The following C2orf80 variants were observed in gnomAD, a reference collection of about 807,000 sequenced individuals.
C2orf80 encodes uncharacterized protein C2orf80.
A neutral mutation model predicts 30.2 loss-of-function variants in C2orf80; 28 were observed. That is an observed-to-expected ratio of 0.93 (90% confidence interval 0.69 to 1.27). The LOEUF (loss-of-function observed/expected upper bound fraction) is 1.27, where lower values mean the gene tolerates loss of function less well. Among genes scored for constraint, C2orf80 ranks in the 50% most tolerant of loss-of-function variants. The pLI is 0.00. For missense variants in C2orf80, 220 were observed against 231.0 expected (o/e 0.95, Z 0.31); for synonymous variants, 80 against 76.4 (o/e 1.05, Z -0.24).
At chr2:208,168,668 A>T (rs938865780) in intron 8 of C2orf80, among the ~76,000 whole-genome samples, 1 of 150,494 alleles carries the variant, frequency 6.6e-6, no homozygotes, top group Non-Finnish European at 1.5e-5. Context: ...CTCAAAAAAA[A>T]AAAAAAAAAA....
chr2:208,178,752 A>G (rs1696451007), intron 6 of C2orf80, among the ~76,000 whole-genome samples: 1 of 151,798 alleles, frequency 6.6e-6, no homozygotes, highest in Non-Finnish European at 1.5e-5. Context: ...CCATCCCTAA[A>G]ATTTTTTTTT....
At chr2:208,176,922 TATAC>T (rs1696333080) in intron 6 of C2orf80, among the ~76,000 whole-genome samples, 1 of 100,842 alleles carries the variant, frequency 9.9e-6, no homozygotes, top group African/African-American at 3.7e-5. Flanking sequence ...TACATATCTG[TATAC>T]ATATGTATAC....
intron 6 of C2orf80, among the ~76,000 whole-genome samples, chr2:208,178,230 C>G (rs1402277077): frequency 2.6e-5 from 4 of 152,182 alleles, no homozygotes; most frequent in Non-Finnish European, 5.9e-5. Context: ...GTGCCATCCT[C>G]TCTAGGATGT....
rs572148824 is a variant in C2orf80 at position 208,181,220 on chromosome 2, T to C, written c.292A>G (p.Met98Val). Residue 98 changes from methionine to valine, a missense_variant and splice_region_variant, in exon 5 of 9, where the codon ATG (methionine) becomes GTG (valine). Coordinates refer to ENST00000341287, the MANE Select transcript of C2orf80 (RefSeq NM_001099334.3). ...GCAGATAGTATTCTTTTCCTTACCA[T>C]TAAGATTCCAGCATAAGATGATAAA... ...MILSSYAGILMNSIPIEEVFK... is the reference protein window; with the variant it reads ...MILSSYAGILVNSIPIEEVFK... 1.0e-5 allele frequency: 16 copies of C among 1,590,784 alleles called. No individual in the cohort carries two copies. The highest frequency in any genetic ancestry group is 2.2e-5 in the East Asian group (1 of 44,714).
At chr2:208,179,652 C>T (rs964303950) in intron 6 of C2orf80, among the ~76,000 whole-genome samples, 2 of 151,788 alleles carry the variant, frequency 1.3e-5, no homozygotes, top group Non-Finnish European at 2.9e-5. Flanking sequence ...AATGTTCATA[C>T]ATTTACAAGT....
chr2:208,170,965 C>T lies in C2orf80; in HGVS notation c.553G>A (p.Asp185Asn), dbSNP rs759606583. 13 of 1,613,824 alleles carry T rather than the reference C, an allele frequency of 8.1e-6. No homozygotes were observed. Among genetic ancestry groups the T allele is most frequent in the Non-Finnish European group, 1.1e-5 (13 of 1,179,846 alleles). Residue 185 changes from aspartate to asparagine, a missense_variant, in exon 8 of 9, where the codon GAC becomes AAC. Physicochemically the swap from Asp to Asn is conservative, Grantham distance 23. Coordinates refer to ENST00000341287, the MANE Select transcript of C2orf80 (RefSeq NM_001099334.3). ...TEWKSSQRFS[D>N]TQPKHKVT ...CCTACTTTGTGCTTTGGCTGTGTGT[C>T]TGAAAACCTTTGTGATGATTTCCAT...
intron 1 of C2orf80, among the ~76,000 whole-genome samples, chr2:208,187,924 T>G (rs1288893976): frequency 6.6e-6 from 1 of 152,162 alleles, no homozygotes; most frequent in Non-Finnish European, 1.5e-5. Flanking sequence ...AGAAGGAATC[T>G]GCCAGTAGGC....
chr2:208,176,963 A>ACGTATACATC (rs1559340585), intron 6 of C2orf80, among the ~76,000 whole-genome samples: 2 of 36,142 alleles, frequency 5.5e-5, no homozygotes, highest in Non-Finnish European at 1.2e-4. Context: ...CTGTATACAT[A>ACGTATACATC]TGTATACATA....
chr2:208,174,343 C>T (rs961954326), intron 6 of C2orf80, among the ~76,000 whole-genome samples: 4 of 152,242 alleles, frequency 2.6e-5, no homozygotes, highest in South Asian at 2.1e-4. Flanking sequence ...CTGCACAATT[C>T]GGTCTGAGTC....
chr2:208,187,212 T>G (rs899294830), intron 1 of C2orf80, among the ~76,000 whole-genome samples, 151 bp from the exon 2 acceptor site: 1 of 152,234 alleles, frequency 6.6e-6, no homozygotes, highest in African/African-American at 2.4e-5. Context: ...ACCTGGAGGC[T>G]CATGCACTGT....
At chr2:208,180,888 A>C (rs1351250635) in intron 5 of C2orf80, 72 bp from the exon 6 acceptor site, 4 of 1,293,608 alleles carry the variant, frequency 3.1e-6, no homozygotes. Flanking sequence ...AACAAAGCTA[A>C]TATAGCTCCA....
chr2:208,188,973 C>T (rs956537580), intron 1 of C2orf80, among the ~76,000 whole-genome samples: 2 of 152,112 alleles, frequency 1.3e-5, no homozygotes, highest in African/African-American at 4.8e-5. Context: ...CCCAGGAAAG[C>T]CACACTCATT....
chr2:208,174,446 A>G (rs999187827), intron 6 of C2orf80, among the ~76,000 whole-genome samples: 2 of 152,170 alleles, frequency 1.3e-5, no homozygotes, highest in Non-Finnish European at 1.5e-5. Context: ...CCAGGTTGCT[A>G]TCAGGAGGAA....
chr2:208,179,082 A>G (rs1306266383), intron 6 of C2orf80, among the ~76,000 whole-genome samples: 1 of 152,150 alleles, frequency 6.6e-6, no homozygotes, highest in African/African-American at 2.4e-5. Flanking sequence ...TTAAAAAGTT[A>G]TCTTGTCTGA....
chr2:208,186,187 A>C (rs1291053117), intron 2 of C2orf80, among the ~76,000 whole-genome samples: 1 of 152,174 alleles, frequency 6.6e-6, no homozygotes, highest in Non-Finnish European at 1.5e-5. Flanking sequence ...GTATACATGT[A>C]TATATGTACA....
At chr2:208,167,879 AT>A (rs370751271) in intron 8 of C2orf80, among the ~76,000 whole-genome samples, 3 of 146,376 alleles carry the variant, frequency 2.0e-5, no homozygotes, top group African/African-American at 7.6e-5. Flanking sequence ...CCTGGCTGTG[AT>A]TTTTTTTTTT....
intron 6 of C2orf80, among the ~76,000 whole-genome samples, chr2:208,178,127 C>A (rs543355864): frequency 4.6e-5 from 7 of 152,242 alleles, no homozygotes; most frequent in Admixed American, 4.6e-4. Context: ...CTTCTAGCAA[C>A]TTTAAATGAA....
At chr2:208,178,637 G>C (rs1267661786) in intron 6 of C2orf80, among the ~76,000 whole-genome samples, 1 of 152,086 alleles carries the variant, frequency 6.6e-6, no homozygotes, top group East Asian at 1.9e-4. Context: ...ATCTTGGCTG[G>C]GTGTGGTGAT....
intron 8 of C2orf80, 30 bp downstream of exon 8, chr2:208,170,915 G>C (rs372624284): frequency 5.2e-5 from 80 of 1,550,314 alleles, no homozygotes; most frequent in Middle Eastern, 5.0e-4. Context: ...GCTGGTATCA[G>C]TTTGGTCCAA....
Sources: allele counts gnomAD v4.1 joint callset (sites outside exome capture counted in the v4.1 genomes callset), GRCh38; gene constraint gnomAD v4.1.1; transcripts MANE v1.5; gene names NCBI Gene and HGNC (gene_info 2026-07-23, HGNC 2026-07-21).